The following PRMT8 variants were observed in gnomAD, a reference collection of about 807,000 sequenced individuals.
PRMT8 encodes the protein protein arginine methyltransferase 8.
Under a neutral mutation model 47.1 loss-of-function variants are expected in PRMT8, and 7 were observed. The ratio of observed to expected loss-of-function variants is 0.15; its 90% CI spans 0.08 to 0.28. The LOEUF (loss-of-function observed/expected upper bound fraction) is 0.28. PRMT8 is among the 10% of genes least tolerant of loss of function. The probability of loss-of-function intolerance (pLI) is 1.00; values close to 1 mark genes in which losing one functional copy is unlikely to be tolerated. For synonymous variants in PRMT8, 188 were observed against 186.5 expected, an observed-to-expected ratio of 1.01 and a Z score of -0.07; for missense variants, 237 against 505.4, an observed-to-expected ratio of 0.47 and a Z score of 5.09.
intron 1 of PRMT8, among the ~76,000 whole-genome samples, chr12:3,531,820 C>T (rs905339939): frequency 2.0e-5 from 3 of 152,234 alleles, no homozygotes; most frequent in African/African-American, 7.2e-5. Flanking sequence ...CTCTCTGTGG[C>T]CTTGGGTGCC....
At chr12:3,578,686 C>G (rs1866996013) in intron 7 of PRMT8, among the ~76,000 whole-genome samples, 1 of 152,104 alleles carries the variant, frequency 6.6e-6, no homozygotes, top group Admixed American at 6.6e-5. Flanking sequence ...TTCAGGGCCA[C>G]TAAGGACGGG....
chr12:3,496,210 ATATATT>A (rs1158443038), intron 1 of PRMT8, among the ~76,000 whole-genome samples: 2 of 10,568 alleles, frequency 1.9e-4, no homozygotes, highest in Non-Finnish European at 3.7e-4. Context: ...ATATATATAT[ATATATT>A]TTTTTTTTTT....
At chr12:3,473,298 CGGCTTCTCAGGCCTCACGGACCTCCA>C (rs567272093) in intron 1 of PRMT8, among the ~76,000 whole-genome samples, 78 of 152,250 alleles carry the variant, frequency 5.1e-4, no homozygotes, top group African/African-American at 1.8e-3. Context: ...CCAACAGACA[CGGCTTCTCAGGCCTCACGGACCTCCA>C]GGCTTCTCCA....
intron 1 of PRMT8, among the ~76,000 whole-genome samples, chr12:3,451,761 A>T (rs1864921316): frequency 1.3e-5 from 2 of 152,104 alleles, no homozygotes; most frequent in African/African-American, 4.8e-5. Context: ...ATGTTGATTC[A>T]CTTAAAGGAA....
intron 7 of PRMT8, among the ~76,000 whole-genome samples, chr12:3,582,614 C>G (rs560242990): frequency 6.6e-6 from 1 of 152,134 alleles, no homozygotes; most frequent in African/African-American, 2.4e-5. Flanking sequence ...GGTCTGCCCC[C>G]CTCAGAATTT....
At chr12:3,399,980 A>T (rs923612627) in intron 1 of PRMT8, among the ~76,000 whole-genome samples, 1 of 152,326 alleles carries the variant, frequency 6.6e-6, no homozygotes. Flanking sequence ...TGAAGGCTTT[A>T]AAAATGCTCA....
In PRMT8 at chr12:3,476,560, C is replaced by A. The variant is rs1410139008; in HGVS notation, c.49-64046C>A. Reference sequence around the variant, plus strand: ...TCATTAGCAAGCATGTGTTCCCTCTCCCTCTCCCATCTCTCTCTCTTAGGA... The same window carrying A: ...TCATTAGCAAGCATGTGTTCCCTCTACCTCTCCCATCTCTCTCTCTTAGGA... On this transcript the variant is annotated intron_variant, in intron 1 of 9. Transcript: ENST00000452611. Among the ~76,000 whole-genome samples, 3 of 152,160 alleles carry A rather than the reference C, an allele frequency of 2.0e-5. No homozygotes were observed. The South Asian group carries it at 6.2e-4, about 31-fold the overall frequency.
chr12:3,552,200 C>G lies in PRMT8; in HGVS notation c.418-1451C>G, dbSNP rs1866433803. The G allele has an allele frequency of 6.5e-6, 1 of 153,386 alleles. No homozygotes were observed. The highest frequency in any genetic ancestry group is 1.4e-5 in the Non-Finnish European group (1 of 68,970). 9.5% of individuals were successfully genotyped at this position (153,386 alleles called of 1,614,324 possible). A position where few individuals can be genotyped will look rare whatever the true frequency, so the allele number is the denominator to read the frequency against. Reference sequence around the variant, plus strand: ...CCAGATCGCGCCATTGCACTCCAGCCTGGGCGACAAAGTGAGATTTTGTCT... The same window carrying G: ...CCAGATCGCGCCATTGCACTCCAGCGTGGGCGACAAAGTGAGATTTTGTCT... On this transcript the variant is annotated intron_variant, in intron 3 of 9. Coordinates refer to ENST00000382622, the MANE Select transcript of PRMT8 (RefSeq NM_019854.5). This position sits in a 1 kb window ranked among gnomAD's most constrained non-coding sequence, Gnocchi z 4.5.
At position 3,469,842 on chromosome 12, in the gene PRMT8, G is replaced by C. The variant is rs544395225; in HGVS notation, c.49-70764G>C. Among the ~76,000 whole-genome samples, 488 of 152,314 alleles carry C rather than the reference G, an allele frequency of 3.2e-3. 5 individuals carry two copies. Among genetic ancestry groups the C allele is most frequent in the Non-Finnish European group, 5.3e-4 (36 of 68,030 alleles). Reference sequence around the variant, plus strand: ...TGTATTCATCAAGCAGAGCCGCCTAGAGCAGCAGGGCTCTGTCGGCCTCCA... The same window carrying C: ...TGTATTCATCAAGCAGAGCCGCCTACAGCAGCAGGGCTCTGTCGGCCTCCA... On this transcript the variant is annotated intron_variant, in intron 1 of 9. Coordinates refer to the PRMT8 transcript ENST00000452611.
chr12:3,393,086 T>G (rs1429206910), intron 1 of PRMT8, among the ~76,000 whole-genome samples: 3 of 152,258 alleles, frequency 2.0e-5, no homozygotes, highest in Admixed American at 2.0e-4. Flanking sequence ...TAAATTTGTT[T>G]CAGTTCATTA....
rs754675342 is a variant in PRMT8, at chr12:3,550,099, C to T, written c.417+8C>T. Reference sequence around the variant, plus strand: ...GCCAAGAAGGTGTTTGGGGTGAGCACGCCGCTTCCTCCTGCATGCTGGCTT... The same window carrying T: ...GCCAAGAAGGTGTTTGGGGTGAGCATGCCGCTTCCTCCTGCATGCTGGCTT... On this transcript the variant is annotated splice_region_variant and intron_variant, in intron 3 of 9. Coordinates refer to ENST00000382622, the MANE Select transcript of PRMT8 (RefSeq NM_019854.5). This position sits in a 1 kb window ranked among gnomAD's most constrained non-coding sequence, Gnocchi z 5.1. 4.2e-5 allele frequency: 68 copies of T among 1,613,230 alleles called. No homozygotes were observed. The East Asian group carries it at 5.3e-4, about 13-fold the overall frequency.
At chr12:3,515,322 G>A (rs1865773964) in intron 1 of PRMT8, among the ~76,000 whole-genome samples, 1 of 152,198 alleles carries the variant, frequency 6.6e-6, no homozygotes, top group Admixed American at 6.5e-5. Context: ...GCTCACTGGT[G>A]TGGTCCCTGG....
intron 1 of PRMT8, among the ~76,000 whole-genome samples, chr12:3,507,215 G>A (rs971932784): frequency 1.4e-4 from 21 of 146,916 alleles, no homozygotes; most frequent in Non-Finnish European, 2.4e-4. Flanking sequence ...TCCGCCTCCC[G>A]GGTTCACGCC....
rs1867113015 is a variant in PRMT8 at position 3,583,573 on chromosome 12, G to A, written c.979+365G>A. On this transcript the variant is annotated intron_variant, in intron 8 of 9. Transcript: ENST00000382622. The surrounding 1 kb of genome is among the most constrained non-coding windows in gnomAD (Gnocchi z 4.7). The stretch of plus-strand genomic sequence containing the variant: ...GAGTTGAATAAGCCTAGTCTGCACT[G>A]CCATGCCTCTGTGCAGGACACAGCC... 6.6e-6 allele frequency among the ~76,000 whole-genome samples: 1 copy of A among 152,180 alleles called. No individual in the cohort carries two copies. Among genetic ancestry groups the A allele is most frequent in the African/African-American group, 2.4e-5 (1 of 41,438 alleles).
At chr12:3,532,611 CAAAAAAAAAAAAA>C (rs35698030) in intron 1 of PRMT8, among the ~76,000 whole-genome samples, 2 of 24,656 alleles carry the variant, frequency 8.1e-5, no homozygotes, top group East Asian at 1.3e-3. Context: ...GACTCCGTCT[CAAAAAAAAAAAAA>C]AAAAAAAAAA....
At chr12:3,510,562 T>A (rs1865695638) in intron 1 of PRMT8, among the ~76,000 whole-genome samples, 1 of 152,122 alleles carries the variant, frequency 6.6e-6, no homozygotes, top group African/African-American at 2.4e-5. Context: ...AAAATTAAAT[T>A]GAATTTTAAA....
chr12:3,423,287 G>T (rs1321934419), intron 1 of PRMT8, among the ~76,000 whole-genome samples: 1 of 152,200 alleles, frequency 6.6e-6, no homozygotes, highest in African/African-American at 2.4e-5. Context: ...AATTTATTTT[G>T]ATAGATAGCA....
intron 1 of PRMT8, among the ~76,000 whole-genome samples, chr12:3,522,994 A>G (rs1403787071): frequency 9.8e-6 from 1 of 101,622 alleles, no homozygotes; most frequent in Non-Finnish European, 2.2e-5. Context: ...CAATTATTAA[A>G]TGGAGCCTGA....
At chr12:3,482,523 G>A (rs1162909344) in intron 1 of PRMT8, among the ~76,000 whole-genome samples, 1 of 152,214 alleles carries the variant, frequency 6.6e-6, no homozygotes, top group Non-Finnish European at 1.5e-5. Context: ...TGCAAATATG[G>A]TGTGCAAGCT....
Sources: gnomAD v4.1 joint callset for allele counts (sites outside exome capture counted in the v4.1 genomes callset) on GRCh38, gnomAD v4.1.1 for gene constraint, Gnocchi (gnomAD v3.1) non-coding constraint, MANE v1.5 for transcripts, NCBI Gene and HGNC (gene_info 2026-07-23, HGNC 2026-07-21) for gene names.